The following POT1 variants were observed in gnomAD, a reference collection of about 807,000 sequenced individuals.
The protein encoded by POT1 is protection of telomeres 1, also known as protection of telomeres protein 1.
In POT1, 47 loss-of-function variants were observed where a neutral mutation model predicts 78.5. The observed-to-expected ratio is 0.60, with a 90% CI of 0.47 to 0.76. The LOEUF is 0.76. Ranked by LOEUF, POT1 falls within the 30% of genes least tolerant of loss-of-function variation. POT1 has a pLI of 0.00. For synonymous variants in POT1, 259 were observed against 260.7 expected, an observed-to-expected ratio of 0.99 and a Z score of 0.06; for missense variants, 646 against 749.9, an observed-to-expected ratio of 0.86 and a Z score of 1.62.
At chr7:124,827,523 T>A (rs1013877253) in intron 16 of POT1, among the ~76,000 whole-genome samples, 1 of 152,210 alleles carries the variant, frequency 6.6e-6, no homozygotes, top group Non-Finnish European at 1.5e-5. Context: ...CTGCTTGGTG[T>A]GTGGGTGAAA....
chr7:124,873,597 G>C (rs533341405), intron 6 of POT1, among the ~76,000 whole-genome samples: 35 of 152,238 alleles, frequency 2.3e-4, no homozygotes, highest in African/African-American at 8.2e-4. Flanking sequence ...GTATCAGAGT[G>C]ATGCTGGCCT....
At chr7:124,863,891 C>T (rs1409299437) in intron 7 of POT1, among the ~76,000 whole-genome samples, 2 of 152,010 alleles carry the variant, frequency 1.3e-5, no homozygotes, top group African/African-American at 4.8e-5. Context: ...TTTTAAAGAG[C>T]TAGGTGGTAG....
chr7:124,844,797 C>T (rs1795126270), intron 12 of POT1, among the ~76,000 whole-genome samples: 1 of 148,508 alleles, frequency 6.7e-6, no homozygotes, highest in Non-Finnish European at 1.5e-5. Context: ...CATTGCTACA[C>T]AGTGATAAGA....
Position 124,851,863 on chromosome 7 carries a change from T to C in POT1, c.949+9A>G, listed in dbSNP as rs777804331. On this transcript the variant is annotated intron_variant, in intron 11 of 18. Transcript: ENST00000357628. ...GAACTAAACTGTCAATGTTAAAGATTATCCTTACTTGGAAAGCTGTCGTCA... is the reference window on the plus strand; with the variant it reads ...GAACTAAACTGTCAATGTTAAAGATCATCCTTACTTGGAAAGCTGTCGTCA... 22 of 1,574,074 alleles carry C rather than the reference T, an allele frequency of 1.4e-5. No homozygotes were observed. The highest frequency in any genetic ancestry group is 1.7e-5 in the Non-Finnish European group (19 of 1,144,194).
chr7:124,897,639 C>T (rs1300825273), intron 4 of POT1, among the ~76,000 whole-genome samples: 1 of 151,792 alleles, frequency 6.6e-6, no homozygotes, highest in African/African-American at 2.4e-5. Flanking sequence ...GGAAGTGCTT[C>T]AGTGATCACT....
chr7:124,858,947 T>TCA lies in POT1; in HGVS notation c.702+9_702+10insTG. ...AACATAAAATAACATTTTTTCCTAC[T>TCA]ATACATCACCTTCAGAGATCTTGCC... On this transcript the variant is annotated intron_variant, in intron 9 of 18. Coordinates refer to ENST00000357628, the MANE Select transcript of POT1 (RefSeq NM_015450.3). The TCA allele has an allele frequency of 6.4e-7, 1 of 1,568,250 alleles. No homozygotes were observed.
chr7:124,823,574 A>C lies in POT1; in HGVS notation c.*388T>G, dbSNP rs1794558466. The C allele has an allele frequency of 1.2e-5, 2 of 166,360 alleles. No individual in the cohort carries two copies. The highest frequency in any genetic ancestry group is 1.3e-4 in the Admixed American group (2 of 15,536). The allele number at this position is 166,360 out of a possible 1,614,324, so 10.3% of individuals were successfully genotyped here. ...GAGGTGAAATAGAGAAATCTCTACT[A>C]TCCTGGAGAGAAACAAGCAATAAAA... On this transcript the variant is annotated 3_prime_UTR_variant, in exon 19 of 19. Transcript: ENST00000357628.
chr7:124,859,020 T>C lies in POT1; in HGVS notation c.639A>G (p.Leu213=), dbSNP rs1309356160. 3 of 1,610,940 alleles carry C rather than the reference T, an allele frequency of 1.9e-6. No homozygotes were observed. The highest frequency in any genetic ancestry group is 2.5e-6 in the Non-Finnish European group (3 of 1,177,870). The change falls in exon 9 of 19, where the codon CTA becomes CTG. Residue 213 remains leucine (L), a synonymous_variant. Coordinates refer to ENST00000357628, the MANE Select transcript of POT1 (RefSeq NM_015450.3). The stretch of plus-strand genomic sequence containing the variant: ...CTAAAATGTCTATTGTCAGATTTTG[T>C]AGCCGATGGATGTGACTTAAATCAC... ...LEGDLSHIHR[L]QNLTIDILVY...
chr7:124,846,898 A>G, intron 12 of POT1, 44 bp downstream of exon 12: 1 of 1,359,902 alleles, frequency 7.4e-7, no homozygotes, highest in Non-Finnish European at 1.0e-6. Flanking sequence ...AGACTTTATT[A>G]TGCTCATTAC....
chr7:124,872,557 CTTATT>C (rs1382603196), intron 6 of POT1, among the ~76,000 whole-genome samples: 7 of 152,138 alleles, frequency 4.6e-5, no homozygotes, highest in Admixed American at 4.6e-4. Flanking sequence ...TCATGTGACC[CTTATT>C]TTACTTAATA....
At chr7:124,867,884 A>T (rs1795770267) in intron 7 of POT1, among the ~76,000 whole-genome samples, 1 of 151,864 alleles carries the variant, frequency 6.6e-6, no homozygotes, top group Non-Finnish European at 1.5e-5. Context: ...CTGACCTTGC[A>T]ATCTTCCCAC....
intron 3 of POT1, among the ~76,000 whole-genome samples, chr7:124,903,073 A>T (rs1043472828): frequency 9.2e-5 from 14 of 152,150 alleles, no homozygotes; most frequent in Non-Finnish European, 1.8e-4. Flanking sequence ...CACAATAATA[A>T]TGGGAGACTT....
At chr7:124,847,024 T>C (rs1483356263) in intron 11 of POT1, 26 bp from the exon 12 acceptor site, 10 of 1,500,300 alleles carry the variant, frequency 6.7e-6, no homozygotes, top group Non-Finnish European at 9.3e-6. Flanking sequence ...GGCAAAAAAA[T>C]TAAGTCCATT....
intron 11 of POT1, among the ~76,000 whole-genome samples, chr7:124,849,416 G>C (rs563104024): frequency 6.6e-6 from 1 of 152,234 alleles, no homozygotes; most frequent in South Asian, 2.1e-4. Context: ...TTTCCAAGTA[G>C]CCAGGAAAAT....
chr7:124,924,451 A>G (rs1797226523), intron 2 of POT1, among the ~76,000 whole-genome samples: 1 of 152,018 alleles, frequency 6.6e-6, no homozygotes, highest in Non-Finnish European at 1.5e-5. Flanking sequence ...TCCTGAACAG[A>G]TCAATGATGA....
intron 2 of POT1, among the ~76,000 whole-genome samples, chr7:124,926,851 A>T (rs1280418463): frequency 1.3e-5 from 2 of 152,230 alleles, no homozygotes; most frequent in East Asian, 3.9e-4. Context: ...GCATGTTCTC[A>T]CTCAAAAATG....
intron 15 of POT1, among the ~76,000 whole-genome samples, chr7:124,834,799 G>C (rs964313286): frequency 6.6e-6 from 1 of 152,158 alleles, no homozygotes; most frequent in East Asian, 1.9e-4. Context: ...GCACATGTAC[G>C]TTTATTGCAG....
At position 124,831,535 on chromosome 7, in the gene POT1, A is replaced by G. The variant is rs148199364; in HGVS notation, c.1506-2193T>C. Among the ~76,000 whole-genome samples the G allele has an allele frequency of 3.3e-5, 5 of 152,210 alleles. No homozygotes were observed. The East Asian group carries it at 9.6e-4, about 29-fold the overall frequency. ...TACTACAACCACATCATATAATTTA[A>G]AAAAAAACTGTTTATGACCCACTGA... is the stretch of plus-strand genomic sequence containing the variant. On this transcript the variant is annotated intron_variant, in intron 15 of 18. Coordinates refer to ENST00000357628, the MANE Select transcript of POT1 (RefSeq NM_015450.3).
intron 2 of POT1, among the ~76,000 whole-genome samples, chr7:124,921,151 G>A (rs183652171): frequency 1.4e-4 from 21 of 152,026 alleles, no homozygotes; most frequent in Admixed American, 1.2e-3. Context: ...ACTAATATAA[G>A]TAAGAACAAA....
Sources: gnomAD v4.1 joint callset for allele counts (sites outside exome capture counted in the v4.1 genomes callset) on GRCh38, gnomAD v4.1.1 for gene constraint, MANE v1.5 for transcripts, NCBI Gene and HGNC (gene_info 2026-07-23, HGNC 2026-07-21) for gene names.